Variants in OTOA observed in about 807,000 individuals in gnomAD.
OTOA encodes the protein otoancorin.
In OTOA, 70 loss-of-function variants were observed where a neutral mutation model predicts 110.8. The ratio of observed to expected loss-of-function variants is 0.63; its 90% CI spans 0.52 to 0.77. OTOA has a LOEUF of 0.77. OTOA is among the 30% of genes least tolerant of loss of function. The probability of loss-of-function intolerance (pLI) is 0.00; values close to 1 mark genes in which losing one functional copy is unlikely to be tolerated. For synonymous variants in OTOA, 373 were observed against 431.5 expected, an observed-to-expected ratio of 0.86 and a Z score of 1.68; for missense variants, 917 against 1,075.8, an observed-to-expected ratio of 0.85 and a Z score of 2.06.
chr16:21,679,153 A>C (rs1822226610), intron 4 of OTOA, 31 bp from the exon 5 acceptor site: 1 of 1,613,684 alleles, frequency 6.2e-7, no homozygotes, highest in Non-Finnish European at 8.5e-7. Context: ...ATTCCTTTTA[A>C]AGATGTCTTT....
At position 21,687,431 on chromosome 16, in the gene OTOA, A is replaced by G. The variant is rs528287058; in HGVS notation, c.418A>G (p.Ile140Val). 6.2e-7 allele frequency: 1 copy of G among 1,613,926 alleles called. No individual in the cohort carries two copies. Among genetic ancestry groups the G allele is most frequent in the African/African-American group, 1.3e-5 (1 of 74,882 alleles). The change falls in exon 8 of 29, where the codon ATC (isoleucine) becomes GTC (valine). Residue 140 changes from isoleucine (I) to valine (V), a missense_variant. Ile to Val is a conservative substitution (Grantham distance 29, BLOSUM62 3). This residue lies in a region of OTOA where 840 missense variants were observed against 910.2 expected (regional missense o/e 0.92). Transcript: ENST00000646100. ...KDGLDLKDII[I>V]DLGEIRERAL... ...GCTTTAGGACCTGAAAGACATCATC[A>G]TCGACTTAGGAGAGATTCGAGAACG...
chr16:21,710,413 C>A (rs1220696499), intron 13 of OTOA, among the ~76,000 whole-genome samples: 1 of 152,046 alleles, frequency 6.6e-6, no homozygotes, highest in Non-Finnish European at 1.5e-5. Flanking sequence ...CCCACCTGAC[C>A]CTCATTATCT....
chr16:21,702,727 G>A (rs1236663251), intron 11 of OTOA, among the ~76,000 whole-genome samples: 2 of 152,126 alleles, frequency 1.3e-5, no homozygotes, highest in African/African-American at 4.8e-5. Flanking sequence ...CCAGGCTGGA[G>A]TGCAGTAGCA....
At chr16:21,703,059 T>C (rs1898083866) in intron 11 of OTOA, among the ~76,000 whole-genome samples, 1 of 152,200 alleles carries the variant, frequency 6.6e-6, no homozygotes, top group South Asian at 2.1e-4. Flanking sequence ...TATATATTCA[T>C]TGTGGAATGG....
chr16:21,678,697 T>C, intron 2 of OTOA, 92 bp downstream of exon 2: 1 of 1,296,178 alleles, frequency 7.7e-7, no homozygotes. Flanking sequence ...ATGCTGTAAG[T>C]TGTTTTTGGG....
intron 21 of OTOA, among the ~76,000 whole-genome samples, chr16:21,735,888 C>T (rs990361939): frequency 6.6e-6 from 1 of 152,226 alleles, no homozygotes. Context: ...GCCACCACAC[C>T]TCGCCTAACC....
intron 22 of OTOA, among the ~76,000 whole-genome samples, chr16:21,739,132 T>C (rs1305784242): frequency 6.6e-6 from 1 of 151,426 alleles, no homozygotes; most frequent in East Asian, 1.9e-4. Context: ...GCTTTAGTGA[T>C]TGATGGATTA....
intron 18 of OTOA, 83 bp downstream of exon 18, chr16:21,723,061 T>A (rs1898808844): frequency 6.9e-7 from 1 of 1,456,222 alleles, no homozygotes; most frequent in African/African-American, 1.4e-5. Context: ...CTCTCCCCAC[T>A]GGGTTTTCTT....
chr16:21,672,359 A>C (rs887309829), intron 1 of OTOA, among the ~76,000 whole-genome samples: 10 of 152,248 alleles, frequency 6.6e-5, no homozygotes, highest in Admixed American at 6.5e-4. Flanking sequence ...ACGGTGGCTC[A>C]CGCCAGCAAT....
intron 12 of OTOA, 50 bp from the exon 13 acceptor site, chr16:21,709,838 C>A: frequency 2.6e-6 from 4 of 1,509,906 alleles, no homozygotes; most frequent in South Asian, 1.1e-5. Context: ...TCAGAGGGAG[C>A]CACCGCCCTG....
rs1491165499 is a variant in OTOA at position 21,721,278 on chromosome 16, CAA to C, written c.1807-1625_1807-1624del. Reference sequence around the variant, plus strand: ...ACACACACACACACACACACACACACAAACAACCAATACAGAGAAAGTAAAAT... The same window carrying C: ...ACACACACACACACACACACACACACACAACCAATACAGAGAAAGTAAAAT... On this transcript the variant is annotated intron_variant, in intron 17 of 28. Transcript: ENST00000646100. 4.1e-4 allele frequency: 180 copies of C among 435,676 alleles called. No homozygotes were observed. In the East Asian group the frequency reaches 8.0e-3, roughly 19 times the overall value. The allele number at this position is 435,676 out of a possible 1,614,324, so 27.0% of individuals were successfully genotyped here.
chr16:21,679,288 T>C, intron 5 of OTOA, 77 bp downstream of exon 5: 1 of 1,452,944 alleles, frequency 6.9e-7, no homozygotes, highest in Non-Finnish European at 9.6e-7. Flanking sequence ...CTCTTAATTG[T>C]AAAAAGTAAT....
chr16:21,755,447 CGTGTGTGTGTGTGTGTGT>C lies in OTOA; in HGVS notation c.3154-1608_3154-1591del, dbSNP rs4016992. On this transcript the variant is annotated intron_variant, in intron 27 of 28. Coordinates refer to ENST00000646100, the MANE Select transcript of OTOA (RefSeq NM_144672.4). ...AAAAGTACCTCTCTGACCACCCCAC[CGTGTGTGTGTGTGTGTGT>C]GTGTGTGTGTGTGTGTGTGTGTGTG... Among the ~76,000 whole-genome samples the C allele has an allele frequency of 6.7e-3, 459 of 68,444 alleles. 1 individual carries two copies. Among genetic ancestry groups the C allele is most frequent in the Non-Finnish European group, 9.7e-3 (308 of 31,620 alleles). The allele number at this position is 68,444 out of a possible 152,430, so 44.9% of individuals were successfully genotyped here. A position where few individuals can be genotyped will look rare whatever the true frequency, so the allele number is the denominator to read the frequency against.
At chr16:21,759,421 C>T (rs557608234) in intron 28 of OTOA, among the ~76,000 whole-genome samples, 3 of 151,804 alleles carry the variant, frequency 2.0e-5, no homozygotes, top group African/African-American at 7.2e-5. Context: ...TATGGCTATG[C>T]CGTAACTGTA....
intron 8 of OTOA, among the ~76,000 whole-genome samples, chr16:21,690,014 T>C (rs542214706): frequency 6.6e-6 from 1 of 152,086 alleles, no homozygotes; most frequent in South Asian, 2.1e-4. Flanking sequence ...GGGTGAATTG[T>C]AAGGTGTGGG....
At chr16:21,719,570 G>T in intron 17 of OTOA, 66 bp downstream of exon 17, 1 of 1,421,846 alleles carries the variant, frequency 7.0e-7, no homozygotes, top group Non-Finnish European at 9.9e-7. Flanking sequence ...GCCTGGATTG[G>T]CTGTGGCATC....
intron 1 of OTOA, among the ~76,000 whole-genome samples, chr16:21,668,698 G>A (rs1272480433): frequency 6.6e-6 from 1 of 151,618 alleles, no homozygotes; most frequent in African/African-American, 2.4e-5. Context: ...CTGACCTCAA[G>A]TGATCTGCCC....
intron 1 of OTOA, among the ~76,000 whole-genome samples, chr16:21,677,165 A>C (rs1966859641): frequency 6.6e-6 from 1 of 152,164 alleles, no homozygotes; most frequent in Non-Finnish European, 1.5e-5. Flanking sequence ...AGCTATATAA[A>C]TCTTTGTGTA....
intron 10 of OTOA, among the ~76,000 whole-genome samples, chr16:21,698,923 A>G (rs879885956): frequency 2.9e-4 from 44 of 152,128 alleles, no homozygotes; most frequent in Non-Finnish European, 4.7e-4. Flanking sequence ...AGTCAAGAAT[A>G]ACACTGCTAA....
Sources: allele counts gnomAD v4.1 joint callset (sites outside exome capture counted in the v4.1 genomes callset), GRCh38; gene constraint gnomAD v4.1.1; regional missense constraint gnomAD v4.1.1; transcripts MANE v1.5; gene names NCBI Gene and HGNC (gene_info 2026-07-23, HGNC 2026-07-21).